MTHFD2L: variants seen among roughly 807,000 people sequenced by gnomAD.
MTHFD2L encodes bifunctional methylenetetrahydrofolate dehydrogenase/cyclohydrolase 2, mitochondrial.
A neutral mutation model predicts 34.9 loss-of-function variants in MTHFD2L; 29 were observed. That is an observed-to-expected ratio of 0.83 (90% confidence interval 0.62 to 1.13). The LOEUF is 1.13. Ranked by LOEUF, MTHFD2L falls within the 50% of genes most tolerant of loss-of-function variation. MTHFD2L has a pLI of 0.00. For missense variants in MTHFD2L, 481 were observed against 446.5 expected (o/e 1.08, Z -0.70); for synonymous variants, 167 against 155.7 (o/e 1.07, Z -0.54).
At chr4:74,246,727 A>G (rs190362071) in intron 6 of MTHFD2L, among the ~76,000 whole-genome samples, 1,664 of 152,252 alleles carry the variant, frequency 0.011, 30 homozygotes, top group African/African-American at 0.039. Flanking sequence ...ACCATTTATT[A>G]AATAGGGAAT....
intron 6 of MTHFD2L, among the ~76,000 whole-genome samples, chr4:74,274,494 G>A (rs1215154500): frequency 6.6e-6 from 1 of 152,162 alleles, no homozygotes; most frequent in African/African-American, 2.4e-5. Context: ...AATGCCACAA[G>A]GCACTCCTGC....
upstream of MTHFD2L, among the ~76,000 whole-genome samples, chr4:74,121,244 C>T (rs747635986): frequency 5.9e-5 from 9 of 152,108 alleles, no homozygotes; most frequent in Non-Finnish European, 8.8e-5. Context: ...TTTGTCCATC[C>T]TAGAAGAGGA....
At chr4:74,150,840 G>C (rs1446361814) in intron 1 of MTHFD2L, among the ~76,000 whole-genome samples, 3 of 151,782 alleles carry the variant, frequency 2.0e-5, no homozygotes, top group Non-Finnish European at 4.4e-5. Context: ...ACAAGGATAG[G>C]AGTAGCAATG....
At chr4:74,233,682 A>G (rs540857401) in intron 6 of MTHFD2L, among the ~76,000 whole-genome samples, 1 of 152,254 alleles carries the variant, frequency 6.6e-6, no homozygotes, top group East Asian at 1.9e-4. Flanking sequence ...ACAAACTTTT[A>G]TATGTTTCCT....
intron 5 of MTHFD2L, among the ~76,000 whole-genome samples, chr4:74,212,328 T>C (rs1736468380): frequency 6.6e-6 from 1 of 152,214 alleles, no homozygotes; most frequent in South Asian, 2.1e-4. Context: ...CCTGTGGGTA[T>C]TTAGTGCTAT....
intron 3 of MTHFD2L, among the ~76,000 whole-genome samples, chr4:74,186,583 A>G (rs1311419485): frequency 2.0e-5 from 3 of 152,084 alleles, no homozygotes; most frequent in Non-Finnish European, 4.4e-5. Flanking sequence ...CATTTATAAT[A>G]GCATCAAAAA....
chr4:74,251,451 A>G (rs1743297675), intron 6 of MTHFD2L, among the ~76,000 whole-genome samples: 1 of 152,238 alleles, frequency 6.6e-6, no homozygotes, highest in Non-Finnish European at 1.5e-5. Flanking sequence ...TTCAACATAC[A>G]TCCTATACTC....
intron 3 of MTHFD2L, among the ~76,000 whole-genome samples, chr4:74,180,327 G>A (rs981879784): frequency 6.6e-5 from 10 of 152,026 alleles, no homozygotes; most frequent in Admixed American, 5.9e-4. Context: ...TCATAAGACT[G>A]TTATAATGAA....
rs748503286 is a variant in MTHFD2L at position 74,174,638 on chromosome 4, C to T, written c.276C>T (p.Asn92=). The T allele has an allele frequency of 1.9e-5, 30 of 1,599,848 alleles. 1 individual carries two copies. The South Asian group carries it at 3.2e-4, about 17-fold the overall frequency. ...PHLSIILVGD[N]PASHTYVRNK... ...TCAGTATAATTTTAGTGGGAGATAA[C>T]CCAGCAAGCCATACATATGTCAGGA... Residue 92 remains asparagine (N), a synonymous_variant, in exon 2 of 8, where the codon AAC becomes AAT. Transcript: ENST00000325278.
chr4:74,210,592 T>C (rs1375909678), intron 5 of MTHFD2L, among the ~76,000 whole-genome samples: 1 of 152,226 alleles, frequency 6.6e-6, no homozygotes, highest in African/African-American at 2.4e-5. Context: ...TTTATTACTG[T>C]GGCCTTGTAG....
At chr4:74,261,230 A>G (rs1241440021) in intron 6 of MTHFD2L, among the ~76,000 whole-genome samples, 2 of 152,068 alleles carry the variant, frequency 1.3e-5, no homozygotes, top group Non-Finnish European at 2.9e-5. Context: ...TTATCCATAA[A>G]GCTCAAGATA....
At chr4:74,187,785 C>A (rs1221026492) in intron 3 of MTHFD2L, among the ~76,000 whole-genome samples, 6 of 133,374 alleles carry the variant, frequency 4.5e-5, no homozygotes, top group African/African-American at 1.9e-4. Flanking sequence ...TCCAGCCATT[C>A]TGTGCCTGTG....
chr4:74,166,252 C>CT (rs1560434093), intron 1 of MTHFD2L, among the ~76,000 whole-genome samples: 1 of 152,232 alleles, frequency 6.6e-6, no homozygotes, highest in Non-Finnish European at 1.5e-5. Flanking sequence ...GGCCCACACT[C>CT]TGTCGACTAG....
intron 3 of MTHFD2L, chr4:74,195,105 C>A (rs969640038): frequency 6.6e-6 from 1 of 152,190 alleles, no homozygotes; most frequent in Non-Finnish European, 1.5e-5. Flanking sequence ...AAAGCTATAG[C>A]TAAGGTGGCA....
In MTHFD2L at chr4:74,199,868, A is replaced by C. The variant is rs1370064974; in HGVS notation, c.526A>C (p.Ile176Leu). 2.5e-6 allele frequency: 4 copies of C among 1,613,818 alleles called. No homozygotes were observed. The South Asian group carries it at 4.4e-5, about 18-fold the overall frequency. Residue 176 changes from isoleucine to leucine, a missense_variant, in exon 4 of 8, where the codon ATT becomes CTT. Physicochemically the swap from Ile to Leu is conservative, Grantham distance 5 (BLOSUM62 2). Coordinates refer to ENST00000325278, the MANE Select transcript of MTHFD2L (RefSeq NM_001144978.3). ...TGTAGATGGATTTCATATTATCAAT[A>C]TTGGAAGATTGTGCCTTGATCAGCA... ...KDVDGFHIINIGRLCLDQHSL... is the reference protein window; with the variant it reads ...KDVDGFHIINLGRLCLDQHSL...
At position 74,302,612 on chromosome 4, in the gene MTHFD2L, T is replaced by G. The variant is rs570556130; in HGVS notation, c.*803T>G. ...CCTTCACTGAGCAATAGTGGAAAAATAAAAAAATAAGTAAACAGAAAAAAC... is the reference window on the plus strand; with the variant it reads ...CCTTCACTGAGCAATAGTGGAAAAAGAAAAAAATAAGTAAACAGAAAAAAC... On this transcript the variant is annotated 3_prime_UTR_variant, in exon 8 of 8. Transcript: ENST00000325278. 1 of 151,812 alleles carries G rather than the reference T, an allele frequency of 6.6e-6. No individual in the cohort carries two copies. Among genetic ancestry groups the G allele is most frequent in the Non-Finnish European group, 1.5e-5 (1 of 67,902 alleles). The allele number at this position is 151,812 out of a possible 1,614,324, so 9.4% of individuals were successfully genotyped here.
chr4:74,239,363 C>T (rs1741352746), intron 6 of MTHFD2L, among the ~76,000 whole-genome samples: 1 of 151,886 alleles, frequency 6.6e-6, no homozygotes, highest in South Asian at 2.1e-4. Flanking sequence ...GGAGAGATAG[C>T]ATTAGGAGAT....
chr4:74,185,220 C>T (rs1730980218), intron 3 of MTHFD2L, among the ~76,000 whole-genome samples: 1 of 145,434 alleles, frequency 6.9e-6, no homozygotes. Flanking sequence ...AATAGCATAC[C>T]TCTAAATAAC....
chr4:74,172,753 C>T (rs911875233), intron 1 of MTHFD2L, among the ~76,000 whole-genome samples: 7 of 152,112 alleles, frequency 4.6e-5, no homozygotes, highest in Non-Finnish European at 8.8e-5. Context: ...CCATAGACCA[C>T]GCTTGGAATT....
Sources: allele counts gnomAD v4.1 joint callset (sites outside exome capture counted in the v4.1 genomes callset), GRCh38; gene constraint gnomAD v4.1.1; transcripts MANE v1.5; gene names NCBI Gene and HGNC (gene_info 2026-07-23, HGNC 2026-07-21).